Variants in SENP8 observed in about 807,000 individuals in gnomAD.
SENP8 encodes SUMO peptidase family member, NEDD8 specific.
In SENP8, 10 loss-of-function variants were observed where a neutral mutation model predicts 14.4. The ratio of observed to expected loss-of-function variants is 0.69; its 90% CI spans 0.43 to 1.18. The LOEUF (loss-of-function observed/expected upper bound fraction) is 1.18, where lower values mean the gene tolerates loss of function less well. Among genes scored for constraint, SENP8 ranks in the 50% most tolerant of loss-of-function variants. The pLI is 0.00. For missense variants in SENP8, 202 were observed against 249.4 expected (o/e 0.81, Z 1.28); for synonymous variants, 94 against 95.5 (o/e 0.98, Z 0.09).
At chr15:72,123,602 G>A (rs886257901) in intron 1 of SENP8, among the ~76,000 whole-genome samples, 7 of 151,028 alleles carry the variant, frequency 4.6e-5, no homozygotes, top group Admixed American at 3.3e-4. Flanking sequence ...GTGCAGTGGC[G>A]TGCTCTTGGC....
At chr15:72,135,070 G>A in intron 1 of SENP8, 1 of 287,562 alleles carries the variant, frequency 3.5e-6, no homozygotes, top group South Asian at 3.2e-5. Flanking sequence ...TTTGTTTTTT[G>A]TTTGTTTTTG....
chr15:72,118,088 G>A (rs1353064334), upstream of SENP8: 2 of 392,858 alleles, frequency 5.1e-6, no homozygotes, highest in African/African-American at 4.2e-5. Flanking sequence ...GCGCGCCCCC[G>A]ACCCCGCGCA....
At chr15:72,126,544 G>A (rs143135724) in intron 1 of SENP8, among the ~76,000 whole-genome samples, 3 of 152,256 alleles carry the variant, frequency 2.0e-5, no homozygotes, top group African/African-American at 4.8e-5. Context: ...AGAATCGCTT[G>A]AACCCAGGCA....
At chr15:72,125,454 T>A (rs935915356) in intron 1 of SENP8, among the ~76,000 whole-genome samples, 13 of 152,292 alleles carry the variant, frequency 8.5e-5, no homozygotes, top group Non-Finnish European at 1.6e-4. Context: ...TAACAATTTT[T>A]TTTTTACTTT....
At chr15:72,115,462 A>C (rs1171995855), upstream of SENP8, among the ~76,000 whole-genome samples, 2 of 152,208 alleles carry the variant, frequency 1.3e-5, no homozygotes, top group African/African-American at 4.8e-5. Flanking sequence ...AGTGAAAGGC[A>C]CAAGCCAGAA....
intron 1 of SENP8, among the ~76,000 whole-genome samples, chr15:72,127,481 G>A (rs2081231929): frequency 2.0e-5 from 3 of 152,130 alleles, no homozygotes; most frequent in African/African-American, 4.8e-5. Flanking sequence ...TATTTGAGGA[G>A]TAAAAAGAAA....
chr15:72,115,429 T>A (rs1219449156), upstream of SENP8, among the ~76,000 whole-genome samples: 1 of 152,126 alleles, frequency 6.6e-6, no homozygotes, highest in Admixed American at 6.5e-5. Context: ...AAAATCCCAC[T>A]CCTTCATGGG....
upstream of SENP8, chr15:72,117,197 A>C (rs2081017785): frequency 6.6e-6 from 1 of 152,222 alleles, no homozygotes; most frequent in African/African-American, 2.4e-5. Flanking sequence ...GCTATCTGAA[A>C]GCCGTGATGG....
In SENP8 at chr15:72,124,397, T is replaced by G. The variant is rs922399634; in HGVS notation, c.-48+5933T>G. On this transcript the variant is annotated intron_variant, in intron 1 of 1. Transcript: ENST00000340912. ...TCTCCAGATGGCTTAGGCTTAGTTT[T>G]AAAAGGAAACGTTTTAATTGGGGGG... 3.9e-5 allele frequency among the ~76,000 whole-genome samples: 6 copies of G among 152,276 alleles called. No homozygotes were observed. In the East Asian group the frequency reaches 9.7e-4, roughly 25 times the overall value.
At chr15:72,126,056 C>T in intron 1 of SENP8, among the ~76,000 whole-genome samples, 1 of 152,106 alleles carries the variant, frequency 6.6e-6, no homozygotes, top group East Asian at 1.9e-4. Flanking sequence ...CTCCTGACCT[C>T]AGGTGATCTG....
intron 1 of SENP8, among the ~76,000 whole-genome samples, chr15:72,120,278 G>A (rs1306894091): frequency 6.6e-6 from 1 of 152,204 alleles, no homozygotes; most frequent in Non-Finnish European, 1.5e-5. Context: ...CACTTGGCAG[G>A]CAGAGAAGCT....
chr15:72,140,131 A>C lies in SENP8; in HGVS notation c.508A>C (p.Asn170His). The change falls in exon 2 of 2, where the codon AAC becomes CAC. Residue 170 changes from asparagine to histidine, a missense_variant. Transcript: ENST00000340912. ...SYDCGMYVIC[N>H]TEALCQNFFR... ...TGACTGTGGGATGTACGTGATATGT[A>C]ACACTGAGGCCTTGTGTCAGAACTT... The C allele has an allele frequency of 6.2e-7, 1 of 1,614,184 alleles. No homozygotes were observed. The highest frequency in any genetic ancestry group is 8.5e-7 in the Non-Finnish European group (1 of 1,180,034).
upstream of SENP8, among the ~76,000 whole-genome samples, chr15:72,116,011 T>TA (rs980793440): frequency 5.4e-4 from 82 of 152,058 alleles, no homozygotes; most frequent in African/African-American, 1.8e-3. Flanking sequence ...TAGTATTAAG[T>TA]AAAAAAAACA....
intron 1 of SENP8, among the ~76,000 whole-genome samples, chr15:72,126,539 C>T (rs187010822): frequency 1.3e-5 from 2 of 152,244 alleles, no homozygotes; most frequent in African/African-American, 4.8e-5. Flanking sequence ...GCAGGAGAAT[C>T]GCTTGAACCC....
chr15:72,139,792 G>T lies in SENP8; in HGVS notation c.169G>T (p.Glu57Ter), dbSNP rs1335091371. ...CSDHVSFISPEVTQFIKCTSN... is the reference protein window; with the variant it reads ...CSDHVSFISP ...TGATCACGTCAGTTTCATCAGCCCTGAAGTCACCCAGTTCATCAAGTGCAC... is the reference window on the plus strand; with the variant it reads ...TGATCACGTCAGTTTCATCAGCCCTTAAGTCACCCAGTTCATCAAGTGCAC... Residue 57 changes from glutamate (E) to a stop codon, truncating the protein, a stop_gained, in exon 2 of 2, where the codon GAA becomes TAA. Transcript: ENST00000340912. LOFTEE classifies it high-confidence loss of function. 24 of 1,614,024 alleles carry T rather than the reference G, an allele frequency of 1.5e-5. No homozygotes were observed. Among genetic ancestry groups the T allele is most frequent in the Non-Finnish European group, 1.7e-6 (2 of 1,180,048 alleles).
At chr15:72,119,033 A>C (rs1016212558) in intron 1 of SENP8, among the ~76,000 whole-genome samples, 14 of 152,220 alleles carry the variant, frequency 9.2e-5, no homozygotes, top group African/African-American at 3.4e-4. Context: ...TGAAAGAGAA[A>C]AAAGAAGTAA....
chr15:72,139,335 C>T, intron 1 of SENP8: 1 of 372,922 alleles, frequency 2.7e-6, no homozygotes, highest in Admixed American at 4.2e-5. Context: ...TCATAAAGGT[C>T]TTCATCCTCA....
upstream of SENP8, among the ~76,000 whole-genome samples, chr15:72,115,850 A>G (rs898177070): frequency 2.0e-5 from 3 of 148,198 alleles, no homozygotes; most frequent in African/African-American, 7.3e-5. Context: ...AAACATACAT[A>G]TAACATCAGA....
At chr15:72,131,602 TTTG>T (rs1381277043) in intron 1 of SENP8, among the ~76,000 whole-genome samples, 1 of 152,238 alleles carries the variant, frequency 6.6e-6, no homozygotes, top group African/African-American at 2.4e-5. Flanking sequence ...AAATTAATCC[TTTG>T]TTAAGGAAGT....
Sources: allele counts gnomAD v4.1 joint callset (sites outside exome capture counted in the v4.1 genomes callset), GRCh38; gene constraint gnomAD v4.1.1; transcripts MANE v1.5; gene names NCBI Gene and HGNC (gene_info 2026-07-23, HGNC 2026-07-21).